The following ANO3 variants were observed in gnomAD, a reference collection of about 807,000 sequenced individuals.
ANO3 encodes the protein anoctamin 3.
ANO3 carries 99 observed loss-of-function variants against 144.8 expected under a neutral mutation model. That is an observed-to-expected ratio of 0.68 (90% CI 0.58 to 0.81). The LOEUF is 0.81. Among genes scored for constraint, ANO3 ranks in the 30% least tolerant of loss-of-function variants. The probability of loss-of-function intolerance (pLI) is 0.00; values close to 1 mark genes in which losing one functional copy is unlikely to be tolerated. For missense variants in ANO3, 905 were observed against 1,202.2 expected, an observed-to-expected ratio of 0.75 and a Z score of 3.66; for synonymous variants, 414 against 392.6, an observed-to-expected ratio of 1.05 and a Z score of -0.64.
intron 14 of ANO3, among the ~76,000 whole-genome samples, chr11:26,597,017 G>A (rs896965433): frequency 6.6e-6 from 1 of 152,202 alleles, no homozygotes; most frequent in African/African-American, 2.4e-5. Flanking sequence ...CAGCAGCCAC[G>A]CTAATCGTTT....
intron 1 of ANO3, among the ~76,000 whole-genome samples, chr11:26,260,749 C>A (rs1199349601): frequency 6.6e-6 from 1 of 152,156 alleles, no homozygotes. Flanking sequence ...TAAATCCATA[C>A]AGCATTTTGT....
chr11:26,278,472 A>T (rs1162536572), intron 1 of ANO3, among the ~76,000 whole-genome samples: 4 of 152,090 alleles, frequency 2.6e-5, no homozygotes, highest in South Asian at 4.1e-4. Context: ...TGGGTTTTTT[A>T]AATTTTTTAT....
chr11:26,426,362 G>A (rs944785846), intron 1 of ANO3, among the ~76,000 whole-genome samples: 4 of 152,228 alleles, frequency 2.6e-5, no homozygotes, highest in South Asian at 2.1e-4. Context: ...TGCTATTCAC[G>A]TAAGTGTGAA....
intron 1 of ANO3, among the ~76,000 whole-genome samples, chr11:26,239,953 G>A (rs1159057360): frequency 6.6e-6 from 1 of 152,148 alleles, no homozygotes; most frequent in African/African-American, 2.4e-5. Context: ...GAAGAGAGTG[G>A]TATAGTACAT....
intron 4 of ANO3, among the ~76,000 whole-genome samples, chr11:26,474,966 T>C (rs2134077026): frequency 6.6e-6 from 1 of 152,040 alleles, no homozygotes; most frequent in African/African-American, 2.4e-5. Context: ...TTTAAAAATG[T>C]TTATTGTATT....
intron 1 of ANO3, among the ~76,000 whole-genome samples, chr11:26,256,611 T>C (rs1342928217): frequency 6.6e-6 from 1 of 152,132 alleles, no homozygotes; most frequent in Non-Finnish European, 1.5e-5. Context: ...ATGAGATTTT[T>C]GTAATATAAA....
chr11:26,544,008 A>AT (rs1849712604), intron 11 of ANO3, among the ~76,000 whole-genome samples: 1 of 151,638 alleles, frequency 6.6e-6, no homozygotes, highest in Admixed American at 6.6e-5. Context: ...AAATGATCAG[A>AT]TTTTATTTTA....
chr11:26,352,242 G>A (rs12798474), intron 1 of ANO3, among the ~76,000 whole-genome samples: 12,124 of 152,150 alleles, frequency 0.08, 611 homozygotes, highest in South Asian at 0.14. Context: ...GTTACCTCAC[G>A]ACCCTGTCGC....
chr11:26,462,209 T>C (rs1859420617), intron 3 of ANO3, among the ~76,000 whole-genome samples: 1 of 151,976 alleles, frequency 6.6e-6, no homozygotes, highest in Admixed American at 6.6e-5. Flanking sequence ...GTTTAGTAGA[T>C]ATCAACTGAT....
intron 1 of ANO3, among the ~76,000 whole-genome samples, chr11:26,299,666 G>T (rs59565281): frequency 0.039 from 5,922 of 152,202 alleles, 399 homozygotes; most frequent in African/African-American, 0.14. Flanking sequence ...CAACTAGAAT[G>T]GCAGGGGGTG....
At chr11:26,198,815 C>T (rs956266002) in intron 1 of ANO3, among the ~76,000 whole-genome samples, 7 of 152,218 alleles carry the variant, frequency 4.6e-5, no homozygotes, top group Admixed American at 4.6e-4. Context: ...AGACTTCCAA[C>T]TTACTGGCTT....
At chr11:26,525,150 G>C (rs560686724) in intron 6 of ANO3, among the ~76,000 whole-genome samples, 3 of 152,016 alleles carry the variant, frequency 2.0e-5, no homozygotes, top group Non-Finnish European at 2.9e-5. Flanking sequence ...GAAGCTTCTT[G>C]AGGGCACAAA....
At chr11:26,509,724 G>A (rs539178796) in intron 5 of ANO3, among the ~76,000 whole-genome samples, 3 of 152,104 alleles carry the variant, frequency 2.0e-5, no homozygotes, top group African/African-American at 7.2e-5. Context: ...ATCATCAGAG[G>A]GTTAATAGGC....
At position 26,289,788 on chromosome 11, in the gene ANO3, G is replaced by GTA. The variant is rs201200726; in HGVS notation, c.155-19847_155-19846dup. Among the ~76,000 whole-genome samples the GTA allele has an allele frequency of 2.9e-4, 42 of 142,732 alleles. 1 individual carries two copies. The East Asian group carries it at 4.7e-3, about 16-fold the overall frequency. The allele number at this position is 142,732 out of a possible 152,430, so 93.6% of individuals were successfully genotyped here. On this transcript the variant is annotated intron_variant, in intron 1 of 27. Transcript: ENST00000672621. ...ATATGTATACATATGTATAATGCCA[G>GTA]TATATATATATGTGTGTGTATATAT...
chr11:26,250,997 C>T (rs535122065), intron 1 of ANO3, among the ~76,000 whole-genome samples: 12 of 152,206 alleles, frequency 7.9e-5, no homozygotes, highest in Admixed American at 2.6e-4. Context: ...CTTGTGATAC[C>T]GTGACTGACT....
Position 26,647,728 on chromosome 11 carries a change from C to T in ANO3, c.2448C>T (p.Leu816=), listed in dbSNP as rs756871877. The T allele has an allele frequency of 5.0e-6, 8 of 1,605,412 alleles. No individual in the cohort carries two copies. The African/African-American group carries it at 5.3e-5, about 11-fold the overall frequency. ...ATDIGIWLGI[L]EGIGILAVIT... ...TACCAGGTATCTGGCTTGGAATTCT[C>T]GAAGGAATCGGTATATTGGCTGTGA... The change falls in exon 24 of 27, where the codon CTC becomes CTT. Residue 816 remains leucine, a synonymous_variant. Coordinates refer to ENST00000256737, the MANE Select transcript of ANO3 (RefSeq NM_031418.4).
At chr11:26,531,752 T>C (rs1046143664) in intron 8 of ANO3, among the ~76,000 whole-genome samples, 11 of 152,220 alleles carry the variant, frequency 7.2e-5, no homozygotes, top group African/African-American at 2.7e-4. Context: ...TTAATTAAGC[T>C]ATCTATTTTA....
At chr11:26,358,575 T>A (rs1855847252) in intron 1 of ANO3, among the ~76,000 whole-genome samples, 1 of 152,152 alleles carries the variant, frequency 6.6e-6, no homozygotes, top group South Asian at 2.1e-4. Flanking sequence ...TACTTACAAT[T>A]ATATTTTTTA....
chr11:26,450,731 G>A (rs1440763557), intron 3 of ANO3, among the ~76,000 whole-genome samples: 1 of 152,094 alleles, frequency 6.6e-6, no homozygotes, highest in Admixed American at 6.5e-5. Flanking sequence ...AAGCTGTTGT[G>A]AGACTCAAAT....
Sources: gnomAD v4.1 joint callset for allele counts (sites outside exome capture counted in the v4.1 genomes callset) on GRCh38, gnomAD v4.1.1 for gene constraint, MANE v1.5 for transcripts, NCBI Gene and HGNC (gene_info 2026-07-23, HGNC 2026-07-21) for gene names.